HEATR4: variants seen among roughly 807,000 people sequenced by gnomAD.
HEATR4 encodes the protein HEAT repeat containing 4, also known as HEAT repeat-containing protein 4.
In HEATR4, 95 loss-of-function variants were observed where a neutral mutation model predicts 108.8. The observed-to-expected ratio is 0.87, with a 90% CI of 0.74 to 1.04. The LOEUF is 1.04. Ranked by LOEUF, HEATR4 falls within the 50% of genes least tolerant of loss-of-function variation. The probability of loss-of-function intolerance (pLI) is 0.00; values close to 1 mark genes in which losing one functional copy is unlikely to be tolerated. For synonymous variants in HEATR4, 443 were observed against 459.4 expected (o/e 0.96, Z 0.46); for missense variants, 1,152 against 1,253.8 (o/e 0.92, Z 1.23).
At chr14:73,506,871 G>C (rs1404615089) in intron 9 of HEATR4, among the ~76,000 whole-genome samples, 3 of 137,160 alleles carry the variant, frequency 2.2e-5, no homozygotes, top group Non-Finnish European at 4.6e-5. Flanking sequence ...CACAATCTCG[G>C]CTCACTGCAA....
At position 73,491,428 on chromosome 14, in the gene HEATR4, C is replaced by T. The variant is rs1167995325; in HGVS notation, c.2844+1638G>A. 9 of 1,354,628 alleles carry T rather than the reference C, an allele frequency of 6.6e-6. No homozygotes were observed. In the East Asian group the frequency reaches 1.8e-4, roughly 28 times the overall value. The allele number at this position is 1,354,628 out of a possible 1,614,324, so 83.9% of individuals were successfully genotyped here. A position where few individuals can be genotyped will look rare whatever the true frequency, so the allele number is the denominator to read the frequency against. On this transcript the variant is annotated intron_variant, in intron 17 of 17. Transcript: ENST00000553558. ...CCGCGCGCCTGGTGGAGGTGCCCGC[C>T]GCGCCGGTCCGGGTGGTGGAGACCT...
At chr14:73,606,385 A>C in the HEATR4 span, among the ~76,000 whole-genome samples, 3,419 of 27,664 alleles carry the variant, frequency 0.12, 67 homozygotes, top group East Asian at 0.48. Context: ...AAAACAAAAC[A>C]AAAAAAAAAA....
At chr14:73,622,642 G>A in the HEATR4 span, among the ~76,000 whole-genome samples, 3 of 151,906 alleles carry the variant, frequency 2.0e-5, no homozygotes, top group Admixed American at 6.6e-5. Context: ...TCAGGTGATC[G>A]CCTGCCTTGG....
At chr14:73,632,556 A>T in the HEATR4 span, among the ~76,000 whole-genome samples, 1 of 152,066 alleles carries the variant, frequency 6.6e-6, no homozygotes, top group Non-Finnish European at 1.5e-5. Context: ...GAAATGTAAT[A>T]TACTTGGCTG....
intron 5 of HEATR4, 120 bp from the exon 6 acceptor site, chr14:73,514,354 A>G: frequency 1.2e-6 from 1 of 807,374 alleles, no homozygotes; most frequent in Non-Finnish European, 2.0e-6. Context: ...CAAAACCCTC[A>G]AGAGTGAATT....
chr14:73,578,356 G>C, the HEATR4 span, among the ~76,000 whole-genome samples: 1 of 148,782 alleles, frequency 6.7e-6, no homozygotes, highest in Non-Finnish European at 1.5e-5. Flanking sequence ...CAGCCCCCTG[G>C]GTAGCTGGGA....
At chr14:73,542,905 G>A (rs1173624064) in intron 1 of HEATR4, 3 of 848,146 alleles carry the variant, frequency 3.5e-6, no homozygotes, top group South Asian at 3.8e-5. Flanking sequence ...TAGAGGGGAG[G>A]TAAATTCCCA....
rs1169262772 is a variant in HEATR4 at position 73,523,185 on chromosome 14, G to T, written c.-33C>A. 1.3e-6 allele frequency: 2 copies of T among 1,529,422 alleles called. No homozygotes were observed. Among genetic ancestry groups the T allele is most frequent in the East Asian group, 4.8e-5 (2 of 41,992 alleles). The allele number at this position is 1,529,422 out of a possible 1,614,324, so 94.7% of individuals were successfully genotyped here. Reference sequence around the variant, plus strand: ...CCCAGCAAATGCTTCCTTCCACACTGCCTGGCCTAGAGGAAAGGCCTGGAG... The same window carrying T: ...CCCAGCAAATGCTTCCTTCCACACTTCCTGGCCTAGAGGAAAGGCCTGGAG... On this transcript the variant is annotated 5_prime_UTR_variant, in exon 3 of 18. Coordinates refer to ENST00000553558, the MANE Select transcript of HEATR4 (RefSeq NM_001220484.1).
chr14:73,619,557 C>A, the HEATR4 span: 1 of 1,614,172 alleles, frequency 6.2e-7, no homozygotes, highest in South Asian at 1.1e-5. Context: ...ATGATCAAAG[C>A]TGGAAGAGTG....
chr14:73,633,425 C>T, the HEATR4 span, among the ~76,000 whole-genome samples: 3 of 152,304 alleles, frequency 2.0e-5, no homozygotes, highest in Non-Finnish European at 2.9e-5. Flanking sequence ...AAGTGTCTCT[C>T]CACCAGTTTC....
At position 73,513,728 on chromosome 14, in the gene HEATR4, CAAAAAAAAAAAA is replaced by C. The variant is rs747778891; in HGVS notation, c.1414+291_1414+302del. Among the ~76,000 whole-genome samples, 14 of 46,776 alleles carry C rather than the reference CAAAAAAAAAAAA, an allele frequency of 3.0e-4. 1 individual carries two copies. Among genetic ancestry groups the C allele is most frequent in the East Asian group, 1.8e-3 (2 of 1,106 alleles). 30.7% of individuals were successfully genotyped at this position (46,776 alleles called of 152,430 possible). On this transcript the variant is annotated intron_variant, in intron 6 of 17. Coordinates refer to ENST00000553558, the MANE Select transcript of HEATR4 (RefSeq NM_001220484.1). The stretch of plus-strand genomic sequence containing the variant: ...GGCAACAAGAGCGAAACTACGTCTC[CAAAAAAAAAAAA>C]AAAAAAAAAAAAAAAAATGGTCTCT...
In HEATR4 at chr14:73,492,047, A is replaced by T. The variant is rs761852553; in HGVS notation, c.2844+1019T>A. 6.2e-7 allele frequency: 1 copy of T among 1,613,948 alleles called. No homozygotes were observed. Among genetic ancestry groups the T allele is most frequent in the African/African-American group, 1.3e-5 (1 of 75,030 alleles). Reference sequence around the variant, plus strand: ...GGGCTTTGCCCCCCACTACGACGACATCGAGGCCTTCGTGCTGCAGCTGGA... The same window carrying T: ...GGGCTTTGCCCCCCACTACGACGACTTCGAGGCCTTCGTGCTGCAGCTGGA... On this transcript the variant is annotated intron_variant, in intron 17 of 17. Transcript: ENST00000553558. The surrounding 1 kb of genome is among the most constrained non-coding windows in gnomAD (Gnocchi z 4.9).
At chr14:73,528,863 G>C (rs1888524655) in intron 2 of HEATR4, 1 of 152,136 alleles carries the variant, frequency 6.6e-6, no homozygotes, top group South Asian at 2.1e-4. Flanking sequence ...TAGGGCTATG[G>C]GGTACTCAGC....
intron 1 of HEATR4, 34 bp downstream of exon 1, chr14:73,558,717 C>T (rs1889449746): frequency 6.6e-6 from 1 of 151,270 alleles, no homozygotes; most frequent in Non-Finnish European, 1.5e-5. Flanking sequence ...TCATTAAGAT[C>T]ACCATACTGC....
At chr14:73,482,399 G>A (rs1028249692) in intron 17 of HEATR4, among the ~76,000 whole-genome samples, 8 of 151,990 alleles carry the variant, frequency 5.3e-5, no homozygotes, top group Non-Finnish European at 1.0e-4. Context: ...GCAGGCGATT[G>A]TAATCCTAGC....
chr14:73,493,248 T>C lies in HEATR4; in HGVS notation c.2786-124A>G, dbSNP rs911846302. 12 of 765,970 alleles carry C rather than the reference T, an allele frequency of 1.6e-5. No individual in the cohort carries two copies. The African/African-American group carries it at 2.1e-4, about 13-fold the overall frequency. 47.4% of individuals were successfully genotyped at this position (765,970 alleles called of 1,614,324 possible). ...TACTGGGTAACACTGACCATGTCGTTCTGCTTGAGACAGATATTAGATTTT... is the reference window on the plus strand; with the variant it reads ...TACTGGGTAACACTGACCATGTCGTCCTGCTTGAGACAGATATTAGATTTT... On this transcript the variant is annotated intron_variant, in intron 16 of 17. Coordinates refer to ENST00000553558, the MANE Select transcript of HEATR4 (RefSeq NM_001220484.1).
At chr14:73,583,287 T>A in the HEATR4 span, among the ~76,000 whole-genome samples, 1 of 150,686 alleles carries the variant, frequency 6.6e-6, no homozygotes, top group Non-Finnish European at 1.5e-5. Context: ...AGGCAGAGGT[T>A]ACAGTGAGCT....
At chr14:73,604,729 C>A in the HEATR4 span, among the ~76,000 whole-genome samples, 1 of 152,018 alleles carries the variant, frequency 6.6e-6, no homozygotes, top group Non-Finnish European at 1.5e-5. Context: ...CTCAAATGAT[C>A]CACCAGCCTT....
the HEATR4 span, chr14:73,612,778 A>G: frequency 7.3e-7 from 1 of 1,368,494 alleles, no homozygotes; most frequent in Non-Finnish European, 9.4e-7. Flanking sequence ...CCGCGCTGGG[A>G]GGCAGCTTCG....
Sources: allele counts gnomAD v4.1 joint callset (sites outside exome capture counted in the v4.1 genomes callset), GRCh38; gene constraint gnomAD v4.1.1; non-coding constraint Gnocchi (gnomAD v3.1); transcripts MANE v1.5; gene names NCBI Gene and HGNC (gene_info 2026-07-23, HGNC 2026-07-21).